Variants in PGM3 observed in about 807,000 individuals in gnomAD.
PGM3 encodes phosphoacetylglucosamine mutase.
PGM3 carries 40 observed loss-of-function variants against 66.2 expected under a neutral mutation model. The observed-to-expected ratio is 0.60, with a 90% confidence interval of 0.47 to 0.79. The LOEUF is 0.79. PGM3 is among the 30% of genes least tolerant of loss of function. The pLI, the probability that PGM3 is intolerant of heterozygous loss-of-function variation, is 0.00. For missense variants in PGM3, 537 were observed against 643.4 expected, an observed-to-expected ratio of 0.83 and a Z score of 1.79; for synonymous variants, 191 against 224.2, an observed-to-expected ratio of 0.85 and a Z score of 1.32.
Position 83,190,898 on chromosome 6 carries a change from T to C in PGM3, c.115A>G (p.Met39Val). 2 of 1,614,136 alleles carry C rather than the reference T, an allele frequency of 1.2e-6. No homozygotes were observed. The highest frequency in any genetic ancestry group is 2.2e-5 in the East Asian group (1 of 44,876). The change falls in exon 2 of 13, where the codon ATG (methionine) becomes GTG (valine). Residue 39 changes from methionine to valine, a missense_variant. Transcript: ENST00000513973. ...RTKAEHLDHV[M>V]FRMGLLAVLR... is the part of the protein sequence containing the mutation. Reference sequence around the variant, plus strand: ...ACAGCTAATAATCCCATGCGAAACATGACATGATCAAGATGTTCTGCCTTC... The same window carrying C: ...ACAGCTAATAATCCCATGCGAAACACGACATGATCAAGATGTTCTGCCTTC...
In PGM3 at chr6:83,168,157, T is replaced by TA. The variant is rs767443558; in HGVS notation, c.*1076dup. 2.9e-5 allele frequency: 46 copies of TA among 1,611,788 alleles called. No homozygotes were observed. The highest frequency in any genetic ancestry group is 5.0e-5 in the Admixed American group (3 of 59,558). On this transcript the variant is annotated 3_prime_UTR_variant, in exon 13 of 13. Transcript: ENST00000513973. ...GAAAAAGATTTTCTGGAAGGGATGATAAAAACTTGAGCACCATTGCTGGTT... is the reference window on the plus strand; with the variant it reads ...GAAAAAGATTTTCTGGAAGGGATGATAAAAAACTTGAGCACCATTGCTGGTT...
chr6:83,183,853 T>A (rs984163529), intron 4 of PGM3, among the ~76,000 whole-genome samples: 1 of 152,034 alleles, frequency 6.6e-6, no homozygotes, highest in African/African-American at 2.4e-5. Flanking sequence ...GTAGCTGAGA[T>A]TACAGGCACC....
chr6:83,181,439 C>A (rs1788169124), intron 6 of PGM3, among the ~76,000 whole-genome samples: 1 of 152,146 alleles, frequency 6.6e-6, no homozygotes, highest in Non-Finnish European at 1.5e-5. Flanking sequence ...TGCTAACAAG[C>A]CCTCAAAGTG....
chr6:83,173,078 C>T (rs1474117416), intron 10 of PGM3, among the ~76,000 whole-genome samples: 1 of 152,158 alleles, frequency 6.6e-6, no homozygotes, highest in South Asian at 2.1e-4. Context: ...GACTTGAGTG[C>T]CATACCCAAG....
At chr6:83,151,765 T>G in the PGM3 span, 4 of 1,436,802 alleles carry the variant, frequency 2.8e-6, no homozygotes, top group South Asian at 2.6e-5. Flanking sequence ...CTCTGAACAT[T>G]CTATGGGAAT....
rs1482889011 is a variant in PGM3 at position 83,166,254 on chromosome 6, GGCAGCTCTCTTATAGTTGTA to G, written c.*2960_*2979del. On this transcript the variant is annotated 3_prime_UTR_variant, in exon 13 of 13. Coordinates refer to ENST00000513973, the MANE Select transcript of PGM3 (RefSeq NM_015599.3). ...TAAAATGGTCAACATTGAGTTCTTG[GGCAGCTCTCTTATAGTTGTA>G]AGAGGATCAGCTTCGATGATGTTCT... 9.6e-6 allele frequency: 5 copies of G among 522,162 alleles called. No homozygotes were observed. Among genetic ancestry groups the G allele is most frequent in the Non-Finnish European group, 1.7e-5 (5 of 296,360 alleles). 32.3% of individuals were successfully genotyped at this position (522,162 alleles called of 1,614,324 possible). A position where few individuals can be genotyped will look rare whatever the true frequency, so the allele number is the denominator to read the frequency against.
At position 83,166,824 on chromosome 6, in the gene PGM3, TC is replaced by T. The variant is rs1246637270; in HGVS notation, c.*2409del. On this transcript the variant is annotated 3_prime_UTR_variant, in exon 13 of 13. Transcript: ENST00000513973. ...AATTATTAGGTAAACAATGAAAGTT[TC>T]TGAGCAACATCTGATCTTAGAAGGC... The T allele has an allele frequency of 2.0e-6, 2 of 1,012,596 alleles. No homozygotes were observed. The highest frequency in any genetic ancestry group is 2.4e-6 in the Non-Finnish European group (2 of 848,492). The allele number at this position is 1,012,596 out of a possible 1,614,324, so 62.7% of individuals were successfully genotyped here. A position where few individuals can be genotyped will look rare whatever the true frequency, so the allele number is the denominator to read the frequency against.
rs964136911 is a variant in PGM3 at position 83,179,660 on chromosome 6, T to C, written c.945+150A>G. 5.7e-6 allele frequency: 3 copies of C among 527,364 alleles called. No individual in the cohort carries two copies. In the African/African-American group the frequency reaches 5.9e-5, roughly 10 times the overall value. The allele number at this position is 527,364 out of a possible 1,614,324, so 32.7% of individuals were successfully genotyped here. A position where few individuals can be genotyped will look rare whatever the true frequency, so the allele number is the denominator to read the frequency against. On this transcript the variant is annotated intron_variant, in intron 7 of 12. Transcript: ENST00000513973. ...CCAATGCCTCAAATGTTCAAATGACTGGGTATTACCACTGCTCTTTTTTTA... is the reference window on the plus strand; with the variant it reads ...CCAATGCCTCAAATGTTCAAATGACCGGGTATTACCACTGCTCTTTTTTTA...
At chr6:83,163,011 G>A (rs956636927), downstream of PGM3, 11 of 1,381,112 alleles carry the variant, frequency 8.0e-6, no homozygotes, top group African/African-American at 4.3e-5. Context: ...AACTGAGAAC[G>A]TTATCAAGTT....
chr6:83,153,731 G>T, the PGM3 span: 6 of 1,174,808 alleles, frequency 5.1e-6, no homozygotes, highest in African/African-American at 4.8e-5. Flanking sequence ...TTTTTACCTT[G>T]AATTATAATT....
chr6:83,162,729 C>G, downstream of PGM3: 3 of 1,524,976 alleles, frequency 2.0e-6, no homozygotes, highest in South Asian at 4.0e-5. Flanking sequence ...CATTATGTGG[C>G]CTAATCTTAG....
chr6:83,168,374 C>A lies in PGM3; in HGVS notation c.*860G>T. On this transcript the variant is annotated 3_prime_UTR_variant, in exon 13 of 13. Transcript: ENST00000513973. ...TTGTTGGCTCATACTGATTATGGTG[C>A]CTAAGAGAGCTATATATATACACAT... 7.3e-7 allele frequency: 1 copy of A among 1,371,440 alleles called. No homozygotes were observed. 85.0% of individuals were successfully genotyped at this position (1,371,440 alleles called of 1,614,324 possible). A position where few individuals can be genotyped will look rare whatever the true frequency, so the allele number is the denominator to read the frequency against.
At chr6:83,157,123 A>G, downstream of PGM3, 4 of 1,556,210 alleles carry the variant, frequency 2.6e-6, no homozygotes, top group South Asian at 1.2e-5. Flanking sequence ...CCGACAATAT[A>G]GAAAGTTTTA....
chr6:83,165,781 G>A lies in PGM3; in HGVS notation c.*3453C>T. ...CGAAGCGTTGGTTGTGCAACGTGCG[G>A]CCCAGTGTTGTCGTGAAAAGAATTG... is the stretch of plus-strand genomic sequence containing the variant. On this transcript the variant is annotated 3_prime_UTR_variant, in exon 13 of 13. Coordinates refer to ENST00000513973, the MANE Select transcript of PGM3 (RefSeq NM_015599.3). 1 of 275,018 alleles carries A rather than the reference G, an allele frequency of 3.6e-6. No individual in the cohort carries two copies. The highest frequency in any genetic ancestry group is 3.9e-5 in the South Asian group (1 of 25,350). 17.0% of individuals were successfully genotyped at this position (275,018 alleles called of 1,614,324 possible). A position where few individuals can be genotyped will look rare whatever the true frequency, so the allele number is the denominator to read the frequency against.
In PGM3 at chr6:83,164,905, T is replaced by G. The variant is rs549787612; in HGVS notation, c.*4329A>C. 1.7e-6 allele frequency: 1 copy of G among 572,372 alleles called. No individual in the cohort carries two copies. Among genetic ancestry groups the G allele is most frequent in the South Asian group, 2.2e-5 (1 of 45,266 alleles). 35.5% of individuals were successfully genotyped at this position (572,372 alleles called of 1,614,324 possible). ...GGAAACATTTGACTTTATTTAATAT[T>G]GAGACAATACATATAGTTCTGATTA... On this transcript the variant is annotated 3_prime_UTR_variant, in exon 13 of 13. Coordinates refer to ENST00000513973, the MANE Select transcript of PGM3 (RefSeq NM_015599.3).
intron 10 of PGM3, among the ~76,000 whole-genome samples, chr6:83,172,531 C>T (rs186274068): frequency 5.9e-5 from 9 of 152,124 alleles, no homozygotes; most frequent in East Asian, 3.9e-4. Flanking sequence ...TGGTAGTGGG[C>T]GCCTGTAATC....
At position 83,188,665 on chromosome 6, in the gene PGM3, T is replaced by G. The variant is rs1207568204; in HGVS notation, c.338A>C (p.Glu113Ala). The G allele has an allele frequency of 6.2e-7, 1 of 1,614,152 alleles. No individual in the cohort carries two copies. The highest frequency in any genetic ancestry group is 1.7e-5 in the Admixed American group (1 of 60,028). ...GGCATCTTGTTGCAGATTCACAGCTTCTTTCTCGCTGATGTCAATAAGCAC... is the reference window on the plus strand; with the variant it reads ...GGCATCTTGTTGCAGATTCACAGCTGCTTTCTCGCTGATGTCAATAAGCAC... ...QRVLIDISEK[E>A]AVNLQQDAFV... Residue 113 changes from glutamate to alanine, a missense_variant, in exon 3 of 13, where the codon GAA becomes GCA. Coordinates refer to ENST00000513973, the MANE Select transcript of PGM3 (RefSeq NM_015599.3).
intron 2 of PGM3, among the ~76,000 whole-genome samples, chr6:83,189,794 T>A (rs570459966): frequency 6.6e-6 from 1 of 152,204 alleles, no homozygotes; most frequent in Non-Finnish European, 1.5e-5. Flanking sequence ...ATATACACAA[T>A]AGAATATTAT....
intron 4 of PGM3, among the ~76,000 whole-genome samples, chr6:83,184,088 A>G (rs559638812): frequency 7.9e-5 from 12 of 152,272 alleles, no homozygotes; most frequent in African/African-American, 2.4e-4. Context: ...AAACTTTACC[A>G]AAGGACTATA....
Sources: allele counts gnomAD v4.1 joint callset (sites outside exome capture counted in the v4.1 genomes callset), GRCh38; gene constraint gnomAD v4.1.1; transcripts MANE v1.5; gene names NCBI Gene and HGNC (gene_info 2026-07-23, HGNC 2026-07-21).